The following DPYD variants were observed in gnomAD, a reference collection of about 807,000 sequenced individuals.
DPYD encodes the protein dihydropyrimidine dehydrogenase.
In DPYD, 109 loss-of-function variants were observed where a neutral mutation model predicts 116.2. The observed-to-expected ratio is 0.94, with a 90% CI of 0.80 to 1.10. The LOEUF (loss-of-function observed/expected upper bound fraction) is 1.10, where lower values mean the gene tolerates loss of function less well. DPYD is among the 50% of genes least tolerant of loss of function. The pLI, the probability that DPYD is intolerant of heterozygous loss-of-function variation, is 0.00. For synonymous variants in DPYD, 440 were observed against 432.0 expected (o/e 1.02, Z -0.23); for missense variants, 1,302 against 1,254.5 (o/e 1.04, Z -0.57).
intron 16 of DPYD, chr1:97,308,377 T>C (rs528194014): frequency 6.6e-6 from 1 of 151,892 alleles, no homozygotes; most frequent in Non-Finnish European, 1.5e-5. Flanking sequence ...ATTTTTCTCA[T>C]CTTCATACTT....
chr1:97,240,677 T>A (rs572203629), intron 18 of DPYD, among the ~76,000 whole-genome samples: 1 of 152,076 alleles, frequency 6.6e-6, no homozygotes, highest in Non-Finnish European at 1.5e-5. Flanking sequence ...AAATTGAACC[T>A]TGACTGTCTA....
chr1:97,643,918 C>T (rs1270099503), intron 8 of DPYD, among the ~76,000 whole-genome samples: 1 of 151,868 alleles, frequency 6.6e-6, no homozygotes, highest in Non-Finnish European at 1.5e-5. Context: ...GAACATCACA[C>T]ACCAGGGCCT....
chr1:97,110,889 C>A (rs1651543783), intron 20 of DPYD, among the ~76,000 whole-genome samples: 4 of 152,022 alleles, frequency 2.6e-5, no homozygotes, highest in Non-Finnish European at 1.5e-5. Flanking sequence ...TATCCTATGG[C>A]TGGGCACAGT....
intron 2 of DPYD, among the ~76,000 whole-genome samples, chr1:97,851,701 A>G (rs1670575847): frequency 1.0e-5 from 1 of 98,190 alleles, no homozygotes; most frequent in African/African-American, 3.3e-5. Context: ...TAATGGTGAC[A>G]GTAGCAAAGA....
At chr1:97,436,057 C>T (rs534395147) in intron 14 of DPYD, among the ~76,000 whole-genome samples, 3 of 152,004 alleles carry the variant, frequency 2.0e-5, no homozygotes, top group East Asian at 1.9e-4. Flanking sequence ...ATTAAATGGG[C>T]CCTTTGCACA....
chr1:97,082,362 A>G lies in DPYD; in HGVS notation c.2875T>C (p.Cys959Arg). 6.2e-7 allele frequency: 1 copy of G among 1,613,626 alleles called. No homozygotes were observed. The highest frequency in any genetic ancestry group is 8.5e-7 in the Non-Finnish European group (1 of 1,179,638). Residue 959 changes from cysteine to arginine, a missense_variant, in exon 22 of 23, where the codon TGC becomes CGC. By Grantham distance (180) the Cys-to-Arg change is radical. Coordinates refer to ENST00000370192, the MANE Select transcript of DPYD (RefSeq NM_000110.4). ...DEEMCINCGK[C>R]YMTCNDSGYQ... ...CCAGAATCATTACAGGTCATGTAGC[A>G]TTTACCACAGTTGATACACATTTCT...
intron 19 of DPYD, among the ~76,000 whole-genome samples, chr1:97,215,332 G>A (rs1179603020): frequency 1.3e-5 from 2 of 152,144 alleles, no homozygotes. Flanking sequence ...CATGAATAAG[G>A]TGGAGTTCTC....
intron 20 of DPYD, among the ~76,000 whole-genome samples, chr1:97,130,778 T>TTCC (rs1227710169): frequency 1.2e-3 from 37 of 31,514 alleles, no homozygotes; most frequent in Admixed American, 2.0e-3. Flanking sequence ...CCTTCCTTCC[T>TTCC]TTCCTTCCCT....
chr1:97,297,615 T>C (rs1315344498), intron 18 of DPYD, among the ~76,000 whole-genome samples: 1 of 152,124 alleles, frequency 6.6e-6, no homozygotes, highest in Non-Finnish European at 1.5e-5. Flanking sequence ...CTTCCACTAA[T>C]AAAAGGATAG....
chr1:97,714,655 C>CA (rs1193831747), intron 5 of DPYD, among the ~76,000 whole-genome samples: 1,569 of 49,874 alleles, frequency 0.031, 26 homozygotes, highest in Admixed American at 0.13. Flanking sequence ...AAAGAAAAGA[C>CA]AAAAAAAAAA....
intron 20 of DPYD, among the ~76,000 whole-genome samples, chr1:97,141,082 T>G (rs1031763090): frequency 6.6e-6 from 1 of 152,000 alleles, no homozygotes; most frequent in South Asian, 2.1e-4. Flanking sequence ...AACCTTGTCA[T>G]AGTGATCCAA....
At chr1:97,842,158 C>A (rs974452578) in intron 2 of DPYD, among the ~76,000 whole-genome samples, 4 of 151,766 alleles carry the variant, frequency 2.6e-5, no homozygotes, top group African/African-American at 9.7e-5. Flanking sequence ...ACTTGCTACA[C>A]AGGGAAAGAT....
chr1:97,254,280 A>G (rs1663303103), intron 18 of DPYD, among the ~76,000 whole-genome samples: 2 of 152,134 alleles, frequency 1.3e-5, no homozygotes, highest in Admixed American at 1.3e-4. Context: ...TACTTTTTAT[A>G]TATATACTTA....
intron 13 of DPYD, among the ~76,000 whole-genome samples, chr1:97,505,802 A>G (rs1340556941): frequency 6.6e-6 from 1 of 151,974 alleles, no homozygotes; most frequent in African/African-American, 2.4e-5. Flanking sequence ...AATTTTTCAC[A>G]TAAATAGAGG....
At chr1:97,595,564 CTGAA>C (rs1283076828) in intron 8 of DPYD, among the ~76,000 whole-genome samples, 1 of 151,378 alleles carries the variant, frequency 6.6e-6, no homozygotes, top group African/African-American at 2.4e-5. Context: ...TATCTAATTC[CTGAA>C]TAAGTAAAAT....
intron 8 of DPYD, among the ~76,000 whole-genome samples, chr1:97,667,959 A>T (rs1659653306): frequency 6.6e-6 from 1 of 152,166 alleles, no homozygotes; most frequent in East Asian, 1.9e-4. Context: ...CCATTCACAC[A>T]CAAAATATAT....
At chr1:97,543,558 C>T (rs1174561056) in intron 12 of DPYD, among the ~76,000 whole-genome samples, 1 of 152,086 alleles carries the variant, frequency 6.6e-6, no homozygotes. Flanking sequence ...GTTACCTTTT[C>T]CCCCAAAACA....
intron 3 of DPYD, among the ~76,000 whole-genome samples, chr1:97,810,807 C>A (rs753420821): frequency 6.6e-6 from 1 of 152,064 alleles, no homozygotes; most frequent in Non-Finnish European, 1.5e-5. Flanking sequence ...ATTTTACATA[C>A]TTACCTAGTA....
intron 18 of DPYD, among the ~76,000 whole-genome samples, chr1:97,284,883 T>C (rs1665563327): frequency 6.6e-6 from 1 of 152,214 alleles, no homozygotes; most frequent in African/African-American, 2.4e-5. Flanking sequence ...TTTTTGATTC[T>C]GTATTGTCTT....
Sources: gnomAD v4.1 joint callset for allele counts (sites outside exome capture counted in the v4.1 genomes callset) on GRCh38, gnomAD v4.1.1 for gene constraint, MANE v1.5 for transcripts, NCBI Gene and HGNC (gene_info 2026-07-23, HGNC 2026-07-21) for gene names.